Variants in RBFOX1 observed in about 807,000 individuals in gnomAD.
RBFOX1 encodes RNA binding protein fox-1 homolog 1.
Under a neutral mutation model 57.7 loss-of-function variants are expected in RBFOX1, and 8 were observed. The observed-to-expected ratio is 0.14, with a 90% CI of 0.08 to 0.25. The LOEUF is 0.25. Among genes scored for constraint, RBFOX1 ranks in the 10% least tolerant of loss-of-function variants. RBFOX1 has a pLI of 1.00. For missense variants in RBFOX1, 611 were observed against 548.5 expected, an observed-to-expected ratio of 1.11 and a Z score of -1.14; for synonymous variants, 326 against 222.4, an observed-to-expected ratio of 1.47 and a Z score of -4.15.
chr16:5,415,990 G>A (rs780369533), intron 1 of RBFOX1, among the ~76,000 whole-genome samples: 1 of 152,206 alleles, frequency 6.6e-6, no homozygotes, highest in Non-Finnish European at 1.5e-5. Flanking sequence ...CTGTAACGCA[G>A]TGATAGTGTT....
chr16:5,526,085 C>G (rs2044233651), intron 2 of RBFOX1, among the ~76,000 whole-genome samples: 1 of 152,036 alleles, frequency 6.6e-6, no homozygotes, highest in African/African-American at 2.4e-5. Context: ...GTAGACAGTA[C>G]CAGCCCCTCT....
At chr16:5,545,041 T>G (rs2045132981) in intron 2 of RBFOX1, among the ~76,000 whole-genome samples, 1 of 137,440 alleles carries the variant, frequency 7.3e-6, no homozygotes, top group African/African-American at 2.7e-5. Context: ...TAGTGGAGCA[T>G]TCTTGGCTCA....
intron 3 of RBFOX1, among the ~76,000 whole-genome samples, chr16:6,820,523 G>C (rs2091087488): frequency 6.6e-6 from 1 of 152,078 alleles, no homozygotes; most frequent in Non-Finnish European, 1.5e-5. Flanking sequence ...ACTGGGTATG[G>C]TGGCGTGCAC....
Position 7,579,776 on chromosome 16 carries a change from G to C in RBFOX1, c.271-1G>C. The C allele has an allele frequency of 6.2e-7, 1 of 1,614,028 alleles. No homozygotes were observed. The highest frequency in any genetic ancestry group is 8.5e-7 in the Non-Finnish European group (1 of 1,179,952). Reference sequence around the variant, plus strand: ...TCTTCGGTTTCTTCTTGTTCTTTTAGCAGACAGATGACGCAGCACCGACGG... The same window carrying C: ...TCTTCGGTTTCTTCTTGTTCTTTTACCAGACAGATGACGCAGCACCGACGG... On this transcript the variant is annotated splice_acceptor_variant, in intron 5 of 15. Coordinates refer to ENST00000550418, the MANE Select transcript of RBFOX1 (RefSeq NM_018723.4). LOFTEE classifies it high-confidence loss of function.
intron 3 of RBFOX1, among the ~76,000 whole-genome samples, chr16:6,821,418 T>C (rs372317772): frequency 2.1e-4 from 32 of 152,356 alleles, no homozygotes; most frequent in East Asian, 1.5e-3. Context: ...ATAACTGATA[T>C]CAATTATTTT....
At chr16:6,701,021 G>A (rs546200219) in intron 3 of RBFOX1, among the ~76,000 whole-genome samples, 19 of 143,258 alleles carry the variant, frequency 1.3e-4, no homozygotes, top group African/African-American at 4.5e-4. Context: ...GGAGTAGAGA[G>A]CAGAGTTGGG....
chr16:7,451,702 G>T (rs900621811), intron 4 of RBFOX1, among the ~76,000 whole-genome samples: 2 of 122,920 alleles, frequency 1.6e-5, no homozygotes, highest in Non-Finnish European at 3.1e-5. Flanking sequence ...TATTCTCTTT[G>T]TGAAGTAGAG....
At chr16:7,569,617 T>G (rs930248084) in intron 5 of RBFOX1, among the ~76,000 whole-genome samples, 4 of 152,196 alleles carry the variant, frequency 2.6e-5, no homozygotes, top group Non-Finnish European at 4.4e-5. Context: ...CTATTCAAGA[T>G]TCCAGGTATT....
chr16:7,567,727 T>C (rs1278389509), intron 5 of RBFOX1, among the ~76,000 whole-genome samples: 12 of 39,944 alleles, frequency 3.0e-4, no homozygotes, highest in African/African-American at 7.0e-4. Context: ...TATATATCCC[T>C]ATATATAATC....
chr16:7,093,054 A>C (rs1052632157), intron 4 of RBFOX1, among the ~76,000 whole-genome samples: 1 of 152,238 alleles, frequency 6.6e-6, no homozygotes, highest in Non-Finnish European at 1.5e-5. Context: ...TCCAAAGTTC[A>C]GCATTTCTGT....
At chr16:6,675,964 A>G (rs1312598176) in intron 3 of RBFOX1, among the ~76,000 whole-genome samples, 1 of 152,112 alleles carries the variant, frequency 6.6e-6, no homozygotes, top group East Asian at 1.9e-4. Flanking sequence ...ACTTTGGACA[A>G]GCGTCAGCTT....
At chr16:6,226,999 C>A (rs968303868) in intron 1 of RBFOX1, among the ~76,000 whole-genome samples, 7 of 151,364 alleles carry the variant, frequency 4.6e-5, no homozygotes, top group African/African-American at 7.3e-5. Flanking sequence ...TAGCAGGCAC[C>A]TGTAATGCCA....
At chr16:6,559,037 C>T (rs924407369) in intron 2 of RBFOX1, among the ~76,000 whole-genome samples, 1 of 152,040 alleles carries the variant, frequency 6.6e-6, no homozygotes, top group Admixed American at 6.5e-5. Flanking sequence ...ACTCCAACTC[C>T]CTAGGATAGA....
In RBFOX1 at chr16:6,480,013, G is replaced by T. The variant is rs555028179; in HGVS notation, c.-64+162956G>T. Among the ~76,000 whole-genome samples the T allele has an allele frequency of 7.6e-5, 11 of 144,550 alleles. No individual in the cohort carries two copies. In the South Asian group the frequency reaches 2.4e-3, roughly 32 times the overall value. 94.8% of individuals were successfully genotyped at this position (144,550 alleles called of 152,430 possible). ...TGCAGTGAGCTGAGATCGTGCCACTGCCCTCCAGGCTGGGAGACAGAGCAA... is the reference window on the plus strand; with the variant it reads ...TGCAGTGAGCTGAGATCGTGCCACTTCCCTCCAGGCTGGGAGACAGAGCAA... On this transcript the variant is annotated intron_variant, in intron 2 of 15. Transcript: ENST00000550418.
intron 3 of RBFOX1, among the ~76,000 whole-genome samples, chr16:5,727,884 C>T (rs9932739): frequency 0.11 from 17,215 of 152,134 alleles, 3,218 homozygotes; most frequent in African/African-American, 0.39. Flanking sequence ...GAGATAGAGT[C>T]TGTGTTGCCT....
chr16:6,366,759 G>A (rs2089687694), intron 2 of RBFOX1, among the ~76,000 whole-genome samples: 1 of 152,200 alleles, frequency 6.6e-6, no homozygotes, highest in Non-Finnish European at 1.5e-5. Flanking sequence ...GAAATGACAT[G>A]CTCCAGGTTG....
At chr16:5,501,318 C>CAAAAAAAAAAAAAAAAAAAAAAAAAA (rs1160788118) in intron 2 of RBFOX1, among the ~76,000 whole-genome samples, 7 of 64,890 alleles carry the variant, frequency 1.1e-4, no homozygotes, top group African/African-American at 1.4e-4. Context: ...ACTCTGTCTA[C>CAAAAAAAAAAAAAAAAAAAAAAAAAA]AAAAAAAAAA....
At chr16:6,919,753 C>T (rs1048937800) in intron 3 of RBFOX1, among the ~76,000 whole-genome samples, 4 of 147,584 alleles carry the variant, frequency 2.7e-5, no homozygotes, top group Non-Finnish European at 5.9e-5. Flanking sequence ...GGCTGAGTGA[C>T]CTGGCTAAGA....
At chr16:6,895,442 GTGTGTGTATA>G (rs1395011159) in intron 3 of RBFOX1, among the ~76,000 whole-genome samples, 95 of 78,640 alleles carry the variant, frequency 1.2e-3, no homozygotes, top group Middle Eastern at 7.1e-3. Flanking sequence ...GTGTGTGTGT[GTGTGTGTATA>G]TATATATATA....
Sources: allele counts gnomAD v4.1 joint callset (sites outside exome capture counted in the v4.1 genomes callset), GRCh38; gene constraint gnomAD v4.1.1; transcripts MANE v1.5; gene names NCBI Gene and HGNC (gene_info 2026-07-23, HGNC 2026-07-21).